Variants in SPOCK1 observed in about 807,000 individuals in gnomAD.
SPOCK1 encodes the protein testican-1.
Under a neutral mutation model 55.3 loss-of-function variants are expected in SPOCK1, and 23 were observed. That is an observed-to-expected ratio of 0.42 (90% CI 0.30 to 0.59). The LOEUF is 0.59. Ranked by LOEUF, SPOCK1 falls within the 20% of genes least tolerant of loss-of-function variation. The probability of loss-of-function intolerance (pLI) is 0.22; values close to 1 mark genes in which losing one functional copy is unlikely to be tolerated. For missense variants in SPOCK1, 499 were observed against 552.5 expected (o/e 0.90, Z 0.97); for synonymous variants, 226 against 221.0 (o/e 1.02, Z -0.20).
rs143668228 is a variant in SPOCK1 at position 137,298,048 on chromosome 5, T to A, written c.187-30993A>T. 9.4e-3 allele frequency among the ~76,000 whole-genome samples: 1,427 copies of A among 152,264 alleles called. 22 individuals carry two copies. The highest frequency in any genetic ancestry group is 0.028 in the African/African-American group (1,162 of 41,552). ...AACCTCAGCTCACCCACCCACTAGC[T>A]GTGAAACTGTGGGCAAGTCACTCAA... On this transcript the variant is annotated intron_variant, in intron 2 of 10. Transcript: ENST00000394945.
chr5:137,409,545 G>T (rs892075917), intron 2 of SPOCK1, among the ~76,000 whole-genome samples: 1 of 152,180 alleles, frequency 6.6e-6, no homozygotes, highest in Non-Finnish European at 1.5e-5. Context: ...ATGGCATAAT[G>T]ATAGTACCCA....
chr5:137,025,166 C>T (rs35591048), intron 6 of SPOCK1, among the ~76,000 whole-genome samples: 14,876 of 152,154 alleles, frequency 0.098, 858 homozygotes, highest in Non-Finnish European at 0.12. Context: ...GATGAATAAG[C>T]ACTGGAGATC....
rs139155347 is a variant in SPOCK1, at chr5:137,130,481, T to C, written c.347+10099A>G. On this transcript the variant is annotated intron_variant, in intron 4 of 10. Coordinates refer to ENST00000394945, the MANE Select transcript of SPOCK1 (RefSeq NM_004598.4). ...ACCAAAGCATGCACATGAGCAGTTT[T>C]CTGAGCTAGTCCTGCTGAAGCAACT... Among the ~76,000 whole-genome samples the C allele has an allele frequency of 1.8e-4, 28 of 152,354 alleles. 2 individuals carry two copies. In the East Asian group the frequency reaches 5.4e-3, roughly 29 times the overall value.
intron 6 of SPOCK1, among the ~76,000 whole-genome samples, chr5:137,031,003 T>C (rs2126985594): frequency 6.6e-6 from 1 of 152,328 alleles, no homozygotes; most frequent in East Asian, 1.9e-4. Context: ...AAAGCCATAG[T>C]TTCTGTATTT....
rs912279296 is a variant in SPOCK1 at position 137,067,886 on chromosome 5, C to T, written c.475-57G>A. The T allele has an allele frequency of 1.0e-4, 150 of 1,439,944 alleles. No individual in the cohort carries two copies. In the East Asian group the frequency reaches 1.1e-3, roughly 11 times the overall value. 89.2% of individuals were successfully genotyped at this position (1,439,944 alleles called of 1,614,324 possible). A position where few individuals can be genotyped will look rare whatever the true frequency, so the allele number is the denominator to read the frequency against. ...ATGCAGCCATAACAGACCCCTACCC[C>T]GCCTCCTAAGAAACAGCAGTGCCCT... On this transcript the variant is annotated intron_variant, in intron 5 of 10. Coordinates refer to ENST00000394945, the MANE Select transcript of SPOCK1 (RefSeq NM_004598.4).
intron 6 of SPOCK1, among the ~76,000 whole-genome samples, chr5:137,015,447 C>A (rs1315395028): frequency 6.6e-6 from 1 of 152,132 alleles, no homozygotes. Context: ...AAGACTCTGT[C>A]TCAGAGAGAT....
intron 2 of SPOCK1, among the ~76,000 whole-genome samples, chr5:137,454,346 T>TAGA (rs1450505019): frequency 6.6e-6 from 1 of 152,058 alleles, no homozygotes; most frequent in Non-Finnish European, 1.5e-5. Context: ...CCAAAATACC[T>TAGA]AGAAGAATGG....
At chr5:137,464,459 TA>T (rs1214334672) in intron 2 of SPOCK1, among the ~76,000 whole-genome samples, 4 of 151,732 alleles carry the variant, frequency 2.6e-5, no homozygotes, top group Middle Eastern at 3.4e-3. Context: ...AATTATAATT[TA>T]AAAAAAATTA....
At chr5:137,081,860 A>C (rs1050599882) in intron 5 of SPOCK1, among the ~76,000 whole-genome samples, 3 of 152,278 alleles carry the variant, frequency 2.0e-5, no homozygotes, top group African/African-American at 7.2e-5. Flanking sequence ...TTTAAGTAAC[A>C]AAATGCCCTT....
chr5:137,238,741 T>G (rs150940609), intron 3 of SPOCK1, among the ~76,000 whole-genome samples: 91 of 152,320 alleles, frequency 6.0e-4, no homozygotes, highest in African/African-American at 2.2e-3. Context: ...AACAAATATA[T>G]ACTTCCTTAA....
At chr5:137,228,258 C>T (rs1452588092) in intron 3 of SPOCK1, among the ~76,000 whole-genome samples, 1 of 152,248 alleles carries the variant, frequency 6.6e-6, no homozygotes, top group East Asian at 1.9e-4. Context: ...CAGGGCAAGC[C>T]TTAACCATCC....
At chr5:137,094,061 T>C (rs1013663131) in intron 5 of SPOCK1, among the ~76,000 whole-genome samples, 2 of 152,266 alleles carry the variant, frequency 1.3e-5, no homozygotes, top group Admixed American at 6.5e-5. Context: ...AAAATCAGGA[T>C]ATAGTTTAGA....
chr5:136,984,704 C>G (rs1195239327), intron 9 of SPOCK1, among the ~76,000 whole-genome samples: 1 of 152,202 alleles, frequency 6.6e-6, no homozygotes, highest in African/African-American at 2.4e-5. Context: ...TGTCGTTCAA[C>G]CCTGTTTGAT....
chr5:137,287,077 G>A (rs1052273335), intron 2 of SPOCK1, among the ~76,000 whole-genome samples: 4 of 152,174 alleles, frequency 2.6e-5, no homozygotes, highest in African/African-American at 9.7e-5. Flanking sequence ...GTGGCACCCA[G>A]GGTCACACTG....
At chr5:137,043,231 ATAGT>A (rs949097192) in intron 6 of SPOCK1, among the ~76,000 whole-genome samples, 4 of 152,232 alleles carry the variant, frequency 2.6e-5, no homozygotes, top group Non-Finnish European at 5.9e-5. Flanking sequence ...TATTGGATTA[ATAGT>A]TAGTATTGGA....
At chr5:136,987,503 CTCTTTGGAGGTGAGGTCAATTGCTCAAAT>C (rs1298793404) in intron 8 of SPOCK1, among the ~76,000 whole-genome samples, 1 of 152,128 alleles carries the variant, frequency 6.6e-6, no homozygotes, top group Non-Finnish European at 1.5e-5. Context: ...TTGTTACCAC[CTCTTTGGAGGTGAGGTCAATTGCTCAAAT>C]TTTAAAAGGC....
At chr5:137,401,766 A>G (rs1406498694) in intron 2 of SPOCK1, among the ~76,000 whole-genome samples, 1 of 151,848 alleles carries the variant, frequency 6.6e-6, no homozygotes, top group Non-Finnish European at 1.5e-5. Flanking sequence ...TGGGAAATGG[A>G]GGGTCAAAGA....
In SPOCK1 at chr5:137,006,625, C is replaced by T. The variant is rs113935458; in HGVS notation, c.590-14025G>A. Among the ~76,000 whole-genome samples the T allele has an allele frequency of 7.2e-3, 1,095 of 152,274 alleles. 16 individuals carry two copies. Among genetic ancestry groups the T allele is most frequent in the African/African-American group, 0.025 (1,025 of 41,564 alleles). On this transcript the variant is annotated intron_variant, in intron 6 of 10. Coordinates refer to ENST00000394945, the MANE Select transcript of SPOCK1 (RefSeq NM_004598.4). ...GAGATGATGGGGTTTTCTAAATATG[C>T]AGTCATGTCATCTACAAACAGAGAT...
intron 2 of SPOCK1, among the ~76,000 whole-genome samples, chr5:137,425,458 C>CA (rs1322671719): frequency 5.5e-4 from 79 of 142,910 alleles, no homozygotes; most frequent in Middle Eastern, 3.6e-3. Context: ...AATTCATCTC[C>CA]AAAAAAAAAA....
Sources: allele counts gnomAD v4.1 joint callset (sites outside exome capture counted in the v4.1 genomes callset), GRCh38; gene constraint gnomAD v4.1.1; transcripts MANE v1.5; gene names NCBI Gene and HGNC (gene_info 2026-07-23, HGNC 2026-07-21).